DSCAML1: variants seen among roughly 807,000 people sequenced by gnomAD.
DSCAML1 encodes the protein cell adhesion molecule DSCAML1.
In DSCAML1, 38 loss-of-function variants were observed where a neutral mutation model predicts 200.5. The observed-to-expected ratio is 0.19, with a 90% CI of 0.15 to 0.25. The LOEUF is 0.25. Ranked by LOEUF, DSCAML1 falls within the 10% of genes least tolerant of loss-of-function variation. DSCAML1 has a pLI of 1.00. For missense variants in DSCAML1, 2,223 were observed against 2,858.8 expected (o/e 0.78, Z 5.07); for synonymous variants, 1,215 against 1,165.0 (o/e 1.04, Z -0.87).
intron 20 of DSCAML1, among the ~76,000 whole-genome samples, chr11:117,449,476 A>G (rs1484060260): frequency 6.6e-6 from 1 of 152,112 alleles, no homozygotes; most frequent in South Asian, 2.1e-4. Context: ...AGACCACAGG[A>G]AAGCAGAGAG....
intron 1 of DSCAML1, among the ~76,000 whole-genome samples, chr11:117,813,795 AT>A (rs758903618): frequency 2.6e-5 from 4 of 152,160 alleles, no homozygotes; most frequent in Non-Finnish European, 5.9e-5. Context: ...CCGGAGAAAC[AT>A]CGTCCATTCT....
At chr11:117,467,273 A>G (rs532694390) in intron 16 of DSCAML1, among the ~76,000 whole-genome samples, 1 of 149,840 alleles carries the variant, frequency 6.7e-6, no homozygotes, top group African/African-American at 2.5e-5. Flanking sequence ...CAAAGCAAAC[A>G]TCTTAATCCA....
At chr11:117,677,519 G>C (rs1036451072) in intron 3 of DSCAML1, among the ~76,000 whole-genome samples, 34 of 151,990 alleles carry the variant, frequency 2.2e-4, no homozygotes, top group Non-Finnish European at 2.9e-5. Flanking sequence ...CCTGGGGCGG[G>C]AGAATGAGGC....
chr11:117,620,417 T>C (rs929170801), intron 3 of DSCAML1, among the ~76,000 whole-genome samples: 1 of 152,274 alleles, frequency 6.6e-6, no homozygotes, highest in Admixed American at 6.5e-5. Context: ...TAAGATTAGA[T>C]TGGATTCCAG....
chr11:117,595,743 C>G (rs1050043399), intron 3 of DSCAML1, among the ~76,000 whole-genome samples: 2 of 152,004 alleles, frequency 1.3e-5, no homozygotes, highest in Non-Finnish European at 2.9e-5. Context: ...TGTGGGTCAC[C>G]CTGAGTTGGA....
In DSCAML1 at chr11:117,503,779, A is replaced by G; in HGVS notation, c.2359+66T>C. On this transcript the variant is annotated intron_variant, in intron 11 of 32. Transcript: ENST00000651296. The surrounding 1 kb of genome is among the most constrained non-coding windows in gnomAD (Gnocchi z 5.2). ...ACGGAGACTAAGAGAGTAGGCAGGG[A>G]GAGTGCAGAGCCGGGGCTTGGCTGT... 1 of 1,511,196 alleles carries G rather than the reference A, an allele frequency of 6.6e-7. No individual in the cohort carries two copies. The highest frequency in any genetic ancestry group is 9.0e-7 in the Non-Finnish European group (1 of 1,111,382). 93.6% of individuals were successfully genotyped at this position (1,511,196 alleles called of 1,614,324 possible). A position where few individuals can be genotyped will look rare whatever the true frequency, so the allele number is the denominator to read the frequency against.
chr11:117,807,719 T>A (rs923051768), intron 1 of DSCAML1, among the ~76,000 whole-genome samples: 3 of 152,182 alleles, frequency 2.0e-5, no homozygotes, highest in African/African-American at 7.2e-5. Context: ...TGGGGGCTCC[T>A]CCATGGAGAT....
chr11:117,428,916 G>A (rs2047725383), intron 32 of DSCAML1, 113 bp from the exon 33 acceptor site: 3 of 1,024,178 alleles, frequency 2.9e-6, no homozygotes, highest in South Asian at 1.5e-5. Context: ...TGGCATAGGG[G>A]CCCCTCCACT....
chr11:117,740,554 C>T (rs1326052787), intron 3 of DSCAML1, among the ~76,000 whole-genome samples: 2 of 152,138 alleles, frequency 1.3e-5, no homozygotes, highest in Non-Finnish European at 2.9e-5. Context: ...CCAGTCCCTT[C>T]CTATTCTCCA....
chr11:117,565,203 G>A (rs905455086), intron 3 of DSCAML1, among the ~76,000 whole-genome samples: 1 of 151,996 alleles, frequency 6.6e-6, no homozygotes, highest in Non-Finnish European at 1.5e-5. Flanking sequence ...GTGTACTAAA[G>A]GTACATCGTT....
At chr11:117,557,907 G>T (rs1454050044) in intron 3 of DSCAML1, among the ~76,000 whole-genome samples, 1 of 152,144 alleles carries the variant, frequency 6.6e-6, no homozygotes, top group Non-Finnish European at 1.5e-5. Context: ...TGTCATGACT[G>T]GGTGTGAGGA....
chr11:117,637,453 C>T (rs2052314358), intron 3 of DSCAML1, among the ~76,000 whole-genome samples: 1 of 150,556 alleles, frequency 6.6e-6, no homozygotes, highest in African/African-American at 2.4e-5. Flanking sequence ...TCAAGTGATT[C>T]TCCTGCCTCA....
rs893884863 is a variant in DSCAML1 at position 117,503,632 on chromosome 11, G to A, written c.2359+213C>T. 6.6e-6 allele frequency among the ~76,000 whole-genome samples: 1 copy of A among 152,182 alleles called. No individual in the cohort carries two copies. Among genetic ancestry groups the A allele is most frequent in the Admixed American group, 6.5e-5 (1 of 15,284 alleles). On this transcript the variant is annotated intron_variant, in intron 11 of 32. Coordinates refer to ENST00000651296, the MANE Select transcript of DSCAML1 (RefSeq NM_020693.4). This position sits in a 1 kb window ranked among gnomAD's most constrained non-coding sequence, Gnocchi z 5.2. ...GCTTATTGTGACCAGGGTGGGGTGAGTTGGGGCCTCTCAGGGTGAGGCCGC... is the reference window on the plus strand; with the variant it reads ...GCTTATTGTGACCAGGGTGGGGTGAATTGGGGCCTCTCAGGGTGAGGCCGC...
intron 3 of DSCAML1, among the ~76,000 whole-genome samples, chr11:117,690,206 A>T (rs907619373): frequency 1.3e-5 from 2 of 152,262 alleles, no homozygotes; most frequent in African/African-American, 2.4e-5. Context: ...TGTTCAACAG[A>T]TTCTACTGAG....
chr11:117,499,998 G>C (rs1236085012), intron 11 of DSCAML1, among the ~76,000 whole-genome samples: 2 of 152,192 alleles, frequency 1.3e-5, no homozygotes, highest in Non-Finnish European at 2.9e-5. Flanking sequence ...AGCTTCCAAA[G>C]GCCATAGCAT....
In DSCAML1 at chr11:117,789,274, C is replaced by G. The variant is rs191444900; in HGVS notation, c.46+7760G>C. Reference sequence around the variant, plus strand: ...GAAGTTATGAGCAACAGCTGACTGTCGGACAGACTCTTTAATCTTCCAGCC... The same window carrying G: ...GAAGTTATGAGCAACAGCTGACTGTGGGACAGACTCTTTAATCTTCCAGCC... On this transcript the variant is annotated intron_variant, in intron 1 of 32. Coordinates refer to ENST00000651296, the MANE Select transcript of DSCAML1 (RefSeq NM_020693.4). Among the ~76,000 whole-genome samples the G allele has an allele frequency of 7.9e-4, 120 of 152,314 alleles. 1 individual carries two copies. The highest frequency in any genetic ancestry group is 4.7e-4 in the Non-Finnish European group (32 of 68,030).
intron 6 of DSCAML1, among the ~76,000 whole-genome samples, chr11:117,520,350 G>A (rs2137314499): frequency 6.6e-6 from 1 of 152,228 alleles, no homozygotes; most frequent in African/African-American, 2.4e-5. Flanking sequence ...AAACAAACAG[G>A]TAAAAACCCA....
intron 3 of DSCAML1, among the ~76,000 whole-genome samples, chr11:117,735,958 A>T (rs1035023742): frequency 6.6e-6 from 1 of 152,202 alleles, no homozygotes; most frequent in Non-Finnish European, 1.5e-5. Context: ...TAGTGATCTC[A>T]GCACTGCTTC....
chr11:117,625,303 C>T (rs1333989408), intron 3 of DSCAML1, among the ~76,000 whole-genome samples: 1 of 152,120 alleles, frequency 6.6e-6, no homozygotes, highest in African/African-American at 2.4e-5. Context: ...ACCTGCAGCT[C>T]CTTCGCAGGG....
Sources: allele counts gnomAD v4.1 joint callset (sites outside exome capture counted in the v4.1 genomes callset), GRCh38; gene constraint gnomAD v4.1.1; non-coding constraint Gnocchi (gnomAD v3.1); transcripts MANE v1.5; gene names NCBI Gene and HGNC (gene_info 2026-07-23, HGNC 2026-07-21).